The following UBE2D2 variants were observed in gnomAD, a reference collection of about 807,000 sequenced individuals.
The protein encoded by UBE2D2 is ubiquitin-conjugating enzyme E2 D2.
In UBE2D2, 2 loss-of-function variants were observed where a neutral mutation model predicts 24.2. The ratio of observed to expected loss-of-function variants is 0.08; its 90% CI spans 0.03 to 0.26. The LOEUF is 0.26. UBE2D2 is among the 10% of genes least tolerant of loss of function. The pLI is 1.00. For synonymous variants in UBE2D2, 58 were observed against 56.5 expected, an observed-to-expected ratio of 1.03 and a Z score of -0.12; for missense variants, 44 against 177.6, an observed-to-expected ratio of 0.25 and a Z score of 4.28.
upstream of UBE2D2, among the ~76,000 whole-genome samples, chr5:139,558,056 C>G (rs1753005215): frequency 6.6e-6 from 1 of 151,778 alleles, no homozygotes; most frequent in Non-Finnish European, 1.5e-5. Flanking sequence ...CCACTGCACT[C>G]CAGCCTGAGG....
At chr5:139,598,323 T>G (rs180719097) in intron 1 of UBE2D2, among the ~76,000 whole-genome samples, 1 of 152,302 alleles carries the variant, frequency 6.6e-6, no homozygotes, top group East Asian at 1.9e-4. Context: ...TTTACTCTTG[T>G]AGTTTTAAAG....
chr5:139,607,816 G>A (rs1366846898), intron 2 of UBE2D2, among the ~76,000 whole-genome samples: 1 of 151,940 alleles, frequency 6.6e-6, no homozygotes, highest in Non-Finnish European at 1.5e-5. Context: ...AGACCAGCTT[G>A]GGCAACATAG....
At chr5:139,596,440 T>C (rs867893362) in intron 1 of UBE2D2, among the ~76,000 whole-genome samples, 5 of 151,358 alleles carry the variant, frequency 3.3e-5, no homozygotes, top group Admixed American at 6.6e-5. Context: ...ATTACAGGTG[T>C]GCGCCACCAC....
upstream of UBE2D2, among the ~76,000 whole-genome samples, chr5:139,558,807 T>C (rs551702615): frequency 6.6e-6 from 1 of 152,200 alleles, no homozygotes; most frequent in African/African-American, 2.4e-5. Context: ...AAATACATAT[T>C]GCTTTTTTTT....
chr5:139,542,744 C>T (rs1179903304), intron 1 of UBE2D2, among the ~76,000 whole-genome samples: 1 of 152,156 alleles, frequency 6.6e-6, no homozygotes, highest in Non-Finnish European at 1.5e-5. Context: ...AAGGGATAAA[C>T]ATAATAAATA....
intron 1 of UBE2D2, among the ~76,000 whole-genome samples, chr5:139,541,435 A>G (rs987748316): frequency 5.9e-5 from 9 of 151,606 alleles, no homozygotes; most frequent in Admixed American, 5.3e-4. Flanking sequence ...CCTCGTCTCT[A>G]CTAAGAATAC....
intron 1 of UBE2D2, among the ~76,000 whole-genome samples, chr5:139,584,460 T>C (rs1753674207): frequency 8.7e-6 from 1 of 114,564 alleles, no homozygotes; most frequent in African/African-American, 5.5e-5. Context: ...GCTAAAGTAC[T>C]CAAAGAAACT....
At chr5:139,571,735 C>G (rs780379712) in intron 1 of UBE2D2, among the ~76,000 whole-genome samples, 1 of 151,702 alleles carries the variant, frequency 6.6e-6, no homozygotes, top group Non-Finnish European at 1.5e-5. Context: ...CCTTTTCTCT[C>G]TCTCTCTTTC....
At chr5:139,604,465 AAAAT>A (rs1386088278) in intron 2 of UBE2D2, among the ~76,000 whole-genome samples, 2 of 152,170 alleles carry the variant, frequency 1.3e-5, no homozygotes, top group South Asian at 4.1e-4. Flanking sequence ...ACTCAGTATA[AAAAT>A]AAATAACCAA....
chr5:139,615,089 A>C (rs1381976856), intron 5 of UBE2D2, 123 bp downstream of exon 5: 1 of 991,910 alleles, frequency 1.0e-6, no homozygotes, highest in African/African-American at 1.7e-5. Context: ...TCTTAATCTG[A>C]AATGGACCTT....
chr5:139,593,788 A>T lies in UBE2D2; in HGVS notation c.25-6584A>T, dbSNP rs529224529. ...CACCATGCTGGGCTAATTAAAAAAAATTTTTTTTGTGGAGATAGAGTCTTA... is the reference window on the plus strand; with the variant it reads ...CACCATGCTGGGCTAATTAAAAAAATTTTTTTTTGTGGAGATAGAGTCTTA... On this transcript the variant is annotated intron_variant, in intron 1 of 6. Transcript: ENST00000398733. Among the ~76,000 whole-genome samples the T allele has an allele frequency of 1.6e-3, 247 of 151,874 alleles. 1 individual carries two copies. Among genetic ancestry groups the T allele is most frequent in the African/African-American group, 5.4e-3 (223 of 41,416 alleles).
chr5:139,616,710 T>C (rs1754428264), intron 5 of UBE2D2, among the ~76,000 whole-genome samples: 1 of 152,192 alleles, frequency 6.6e-6, no homozygotes, highest in African/African-American at 2.4e-5. Flanking sequence ...GACTTAATCA[T>C]CCATGCCCAT....
intron 1 of UBE2D2, among the ~76,000 whole-genome samples, chr5:139,579,786 A>G (rs1191585569): frequency 6.6e-6 from 1 of 151,948 alleles, no homozygotes; most frequent in Non-Finnish European, 1.5e-5. Flanking sequence ...GGTGGCTCAC[A>G]TCTGTAATCC....
chr5:139,532,413 A>G (rs1014313208), intron 1 of UBE2D2, among the ~76,000 whole-genome samples: 2 of 150,532 alleles, frequency 1.3e-5, no homozygotes, highest in Non-Finnish European at 3.0e-5. Flanking sequence ...GGGCAGTGGC[A>G]CGATCTCGGC....
chr5:139,623,400 C>G lies in UBE2D2; in HGVS notation c.337C>G (p.Pro113Ala). 1 of 1,605,080 alleles carries G rather than the reference C, an allele frequency of 6.2e-7. No individual in the cohort carries two copies. Among genetic ancestry groups the G allele is most frequent in the Non-Finnish European group, 8.5e-7 (1 of 1,173,260 alleles). ...LLSICSLLCD[P>A]NPDDPLVPEI... ...GTCCATCTGTTCTCTGTTGTGTGAT[C>G]CCAATCCAGATGATCCTTTAGTGCC... is the stretch of plus-strand genomic sequence containing the variant. Residue 113 changes from proline to alanine, a missense_variant, in exon 6 of 7, where the codon CCC (proline) becomes GCC (alanine). Transcript: ENST00000398733.
chr5:139,591,128 T>C (rs1044764644), intron 1 of UBE2D2, among the ~76,000 whole-genome samples: 15 of 144,240 alleles, frequency 1.0e-4, no homozygotes, highest in Admixed American at 3.5e-4. Context: ...CTCTCTCTCT[T>C]TTTTTTTTTT....
intron 2 of UBE2D2, among the ~76,000 whole-genome samples, chr5:139,611,676 C>G (rs1387328552): frequency 6.6e-6 from 1 of 152,208 alleles, no homozygotes; most frequent in Non-Finnish European, 1.5e-5. Flanking sequence ...AAAATAAAAT[C>G]CAACTGCTAG....
chr5:139,541,865 A>C (rs1752766138), intron 1 of UBE2D2, among the ~76,000 whole-genome samples: 1 of 152,048 alleles, frequency 6.6e-6, no homozygotes, highest in Non-Finnish European at 1.5e-5. Context: ...TGGCCTGGCC[A>C]ACATGGTGAA....
At chr5:139,572,388 C>T (rs1427825225) in intron 1 of UBE2D2, among the ~76,000 whole-genome samples, 2 of 152,016 alleles carry the variant, frequency 1.3e-5, no homozygotes, top group Admixed American at 6.6e-5. Flanking sequence ...CACTTGAGCT[C>T]AGGAGTTCAA....
Sources: gnomAD v4.1 joint callset for allele counts (sites outside exome capture counted in the v4.1 genomes callset) on GRCh38, gnomAD v4.1.1 for gene constraint, MANE v1.5 for transcripts, NCBI Gene and HGNC (gene_info 2026-07-23, HGNC 2026-07-21) for gene names.